TRPM7: variants seen among roughly 807,000 people sequenced by gnomAD.
TRPM7 encodes LTRPC ion channel family member 7.
In TRPM7, 134 loss-of-function variants were observed where a neutral mutation model predicts 229.7. The observed-to-expected ratio is 0.58, with a 90% CI of 0.51 to 0.67. The LOEUF is 0.67. Ranked by LOEUF, TRPM7 falls within the 30% of genes least tolerant of loss-of-function variation. The pLI, the probability that TRPM7 is intolerant of heterozygous loss-of-function variation, is 0.00. For synonymous variants in TRPM7, 699 were observed against 715.2 expected, an observed-to-expected ratio of 0.98 and a Z score of 0.36; for missense variants, 1,901 against 2,210.0, an observed-to-expected ratio of 0.86 and a Z score of 2.80.
At chr15:50,614,044 T>C in intron 14 of TRPM7, 79 bp downstream of exon 14, 1 of 1,411,878 alleles carries the variant, frequency 7.1e-7, no homozygotes, top group Non-Finnish European at 9.6e-7. Flanking sequence ...TTCTCCGTTC[T>C]AATGTTAATT....
intron 1 of TRPM7, among the ~76,000 whole-genome samples, chr15:50,674,066 G>A (rs1263643619): frequency 1.3e-5 from 2 of 152,132 alleles, no homozygotes; most frequent in Admixed American, 1.3e-4. Flanking sequence ...TCGGCTCACT[G>A]CAACCTCCAC....
chr15:50,597,961 T>C (rs1021189373), intron 22 of TRPM7, among the ~76,000 whole-genome samples: 10 of 150,246 alleles, frequency 6.7e-5, no homozygotes, highest in African/African-American at 2.0e-4. Flanking sequence ...ACCCTGGAAA[T>C]AACACCAAAC....
intron 1 of TRPM7, among the ~76,000 whole-genome samples, chr15:50,681,656 T>C (rs2140986670): frequency 6.6e-6 from 1 of 152,344 alleles, no homozygotes; most frequent in South Asian, 2.1e-4. Context: ...GCTATATTAT[T>C]GATGACTTAG....
rs182936038 is a variant in TRPM7, at chr15:50,662,645, G to C, written c.83+322C>G. ...ACACAAATTTAAGTTCCCAATATCA[G>C]TGAATCCATTAAAAAATAAGAGAGT... On this transcript the variant is annotated intron_variant, in intron 2 of 38. Transcript: ENST00000646667. Among the ~76,000 whole-genome samples, 12 of 152,164 alleles carry C rather than the reference G, an allele frequency of 7.9e-5. No individual in the cohort carries two copies. In the East Asian group the frequency reaches 2.3e-3, roughly 29 times the overall value.
At chr15:50,618,997 G>C (rs750978231) in intron 13 of TRPM7, among the ~76,000 whole-genome samples, 2 of 152,078 alleles carry the variant, frequency 1.3e-5, no homozygotes, top group Non-Finnish European at 2.9e-5. Flanking sequence ...AAAGGGGAGA[G>C]AGTTTTCAGC....
chr15:50,657,112 T>C (rs1044711086), intron 3 of TRPM7, among the ~76,000 whole-genome samples: 1 of 152,030 alleles, frequency 6.6e-6, no homozygotes, highest in Non-Finnish European at 1.5e-5. Flanking sequence ...TCACCTGAGG[T>C]CAGGAATTCA....
At chr15:50,635,594 C>A (rs1319554292) in intron 7 of TRPM7, among the ~76,000 whole-genome samples, 1 of 141,176 alleles carries the variant, frequency 7.1e-6, no homozygotes, top group African/African-American at 2.7e-5. Context: ...ACCCGGGAGG[C>A]GAAAGTTGCA....
chr15:50,593,722 T>C lies in TRPM7; in HGVS notation c.3503A>G (p.Lys1168Arg). 6.2e-7 allele frequency: 1 copy of C among 1,610,156 alleles called. No homozygotes were observed. Among genetic ancestry groups the C allele is most frequent in the South Asian group, 1.1e-5 (1 of 89,920 alleles). Residue 1168 changes from lysine (K) to arginine (R), a missense_variant, in exon 25 of 39, where the codon AAG becomes AGG. Around this residue, in one of 8 missense-constraint regions of TRPM7, gnomAD observed 533 missense variants for 497.1 expected, o/e 1.07. Coordinates refer to ENST00000646667, the MANE Select transcript of TRPM7 (RefSeq NM_017672.6). Reference sequence around the variant, plus strand: ...CTGCTCTTCAAAATCATGAAGTTTCTTTTGATCTTCTTCTGTTAAGAAAAG... The same window carrying C: ...CTGCTCTTCAAAATCATGAAGTTTCCTTTGATCTTCTTCTGTTAAGAAAAG... ...PKLFLTEEDQ[K>R]KLHDFEEQCV... is the part of the protein sequence containing the mutation.
At chr15:50,574,566 ATCAAAAATG>A in intron 35 of TRPM7, 62 bp downstream of exon 35, 1 of 1,550,968 alleles carries the variant, frequency 6.4e-7, no homozygotes, top group Non-Finnish European at 8.8e-7. Flanking sequence ...AATATTCAAC[ATCAAAAATG>A]AAGGTCAAAA....
intron 38 of TRPM7, among the ~76,000 whole-genome samples, chr15:50,566,000 T>G (rs2053582200): frequency 6.6e-6 from 1 of 151,900 alleles, no homozygotes; most frequent in African/African-American, 2.4e-5. Context: ...ATTTTTGTAT[T>G]TTTTAGTAGA....
At position 50,570,267 on chromosome 15, in the gene TRPM7, T is replaced by C. The variant is rs867160822; in HGVS notation, c.5309-112A>G. ...AGAGATGTTATAGTATCATCAATCA[T>C]TACAATGTTAAACTATTCAAAGGAG... is the stretch of plus-strand genomic sequence containing the variant. On this transcript the variant is annotated intron_variant, in intron 36 of 38. Transcript: ENST00000646667. 52 of 762,112 alleles carry C rather than the reference T, an allele frequency of 6.8e-5. No individual in the cohort carries two copies. The Middle Eastern group carries it at 2.7e-3, about 39-fold the overall frequency. The allele number at this position is 762,112 out of a possible 1,614,324, so 47.2% of individuals were successfully genotyped here.
rs192819755 is a variant in TRPM7 at position 50,595,608 on chromosome 15, C to A, written c.3290+647G>T. Among the ~76,000 whole-genome samples the A allele has an allele frequency of 1.1e-4, 17 of 152,138 alleles. No homozygotes were observed. In the East Asian group the frequency reaches 3.3e-3, roughly 29 times the overall value. ...AGGCACTGTGGCTCATGCCTGTAATCCCAGCACTTGGGGAAGCTGAAGTGG... is the reference window on the plus strand; with the variant it reads ...AGGCACTGTGGCTCATGCCTGTAATACCAGCACTTGGGGAAGCTGAAGTGG... On this transcript the variant is annotated intron_variant, in intron 23 of 38. Coordinates refer to ENST00000646667, the MANE Select transcript of TRPM7 (RefSeq NM_017672.6).
At chr15:50,591,832 G>T in intron 26 of TRPM7, 79 bp downstream of exon 26, 2 of 1,033,344 alleles carry the variant, frequency 1.9e-6, no homozygotes, top group Non-Finnish European at 1.4e-6. Context: ...ATAATGACTT[G>T]TAACAGTACA....
Position 50,609,884 on chromosome 15 carries a change from T to C in TRPM7, c.2358A>G (p.Pro786=), listed in dbSNP as rs2060021997. The C allele has an allele frequency of 6.2e-7, 1 of 1,613,266 alleles. No homozygotes were observed. The highest frequency in any genetic ancestry group is 1.3e-5 in the African/African-American group (1 of 75,046). The part of the protein sequence containing the change: ...YKTKAEMSHI[P]QSQDAHQMTM... Reference sequence around the variant, plus strand: ...TCATCTGATGAGCATCTTGAGATTGTGGGATATGGGACATTTCAGCCTTAG... The same window carrying C: ...TCATCTGATGAGCATCTTGAGATTGCGGGATATGGGACATTTCAGCCTTAG... Residue 786 remains proline (P), a synonymous_variant, in exon 18 of 39, where the codon CCA becomes CCG. Coordinates refer to ENST00000646667, the MANE Select transcript of TRPM7 (RefSeq NM_017672.6).
chr15:50,639,590 T>A, intron 5 of TRPM7, 42 bp from the exon 6 acceptor site: 1 of 1,584,334 alleles, frequency 6.3e-7, no homozygotes, highest in Non-Finnish European at 8.6e-7. Flanking sequence ...TTTTTTATTT[T>A]CTTAAAGACA....
intron 1 of TRPM7, among the ~76,000 whole-genome samples, chr15:50,680,940 G>A (rs1321008830): frequency 6.6e-6 from 1 of 152,106 alleles, no homozygotes; most frequent in East Asian, 1.9e-4. Context: ...TGACATCACA[G>A]AATTTTCCTG....
chr15:50,631,446 T>G lies in TRPM7; in HGVS notation c.1175A>C (p.Asp392Ala). 6.2e-7 allele frequency: 1 copy of G among 1,610,802 alleles called. No homozygotes were observed. The highest frequency in any genetic ancestry group is 8.5e-7 in the Non-Finnish European group (1 of 1,177,700). Residue 392 changes from aspartate (D) to alanine (A), a missense_variant, in exon 10 of 39, where the codon GAT becomes GCT. Asp to Ala is a moderately radical substitution (Grantham distance 126). Around this residue, in one of 8 missense-constraint regions of TRPM7, gnomAD observed 794 missense variants for 881.9 expected, o/e 0.90. Transcript: ENST00000646667. ...HIGSDEHQDI[D>A]VAILTALLKG... ...TAGCAGTGCAGTAAGTATTGCTACATCTATATCTTGATGTTCATCTGACCC... is the reference window on the plus strand; with the variant it reads ...TAGCAGTGCAGTAAGTATTGCTACAGCTATATCTTGATGTTCATCTGACCC...
At chr15:50,615,778 C>A (rs1386649898) in intron 13 of TRPM7, among the ~76,000 whole-genome samples, 2 of 152,076 alleles carry the variant, frequency 1.3e-5, no homozygotes, top group Non-Finnish European at 2.9e-5. Context: ...CACCTGTAAT[C>A]CCAGCTACTC....
intron 7 of TRPM7, among the ~76,000 whole-genome samples, chr15:50,635,934 G>A (rs1252309706): frequency 2.6e-5 from 4 of 151,516 alleles, no homozygotes; most frequent in East Asian, 1.9e-4. Context: ...AGGTGAGATC[G>A]GGCCACTGCA....
Sources: allele counts gnomAD v4.1 joint callset (sites outside exome capture counted in the v4.1 genomes callset), GRCh38; gene constraint gnomAD v4.1.1; regional missense constraint gnomAD v4.1.1; transcripts MANE v1.5; gene names NCBI Gene and HGNC (gene_info 2026-07-23, HGNC 2026-07-21).